RAVER2: variants seen among roughly 807,000 people sequenced by gnomAD.
The protein encoded by RAVER2 is ribonucleoprotein, PTB binding 2, also known as ribonucleoprotein PTB-binding 2.
A neutral mutation model predicts 78.1 loss-of-function variants in RAVER2; 46 were observed. The ratio of observed to expected loss-of-function variants is 0.59; its 90% confidence interval spans 0.46 to 0.75. The LOEUF is 0.75. RAVER2 is among the 30% of genes least tolerant of loss of function. RAVER2 has a pLI of 0.00. For synonymous variants in RAVER2, 311 were observed against 313.3 expected (o/e 0.99, Z 0.08); for missense variants, 793 against 837.5 (o/e 0.95, Z 0.66).
At chr1:64,814,679 A>G in intron 10 of RAVER2, 25 bp from the exon 11 acceptor site, 1 of 1,330,862 alleles carries the variant, frequency 7.5e-7, no homozygotes, top group East Asian at 2.8e-5. Context: ...CCTAAATAAA[A>G]TAAACTTGTT....
At chr1:64,828,907 G>C (rs1484708019) in intron 11 of RAVER2, among the ~76,000 whole-genome samples, 6 of 152,064 alleles carry the variant, frequency 3.9e-5, no homozygotes, top group African/African-American at 1.4e-4. Flanking sequence ...ATCTCACATT[G>C]GTGTAATCAT....
At chr1:64,782,109 G>C (rs188972301) in intron 4 of RAVER2, among the ~76,000 whole-genome samples, 49 of 152,244 alleles carry the variant, frequency 3.2e-4, no homozygotes, top group African/African-American at 1.2e-3. Flanking sequence ...TTGCCATGTT[G>C]GCCAGGCTGA....
intron 1 of RAVER2, among the ~76,000 whole-genome samples, chr1:64,747,460 A>G (rs183277684): frequency 3.9e-5 from 6 of 152,114 alleles, no homozygotes; most frequent in Admixed American, 3.3e-4. Context: ...TTGAAATACT[A>G]AGTTCTTGTT....
At chr1:64,778,190 A>T (rs1652527684) in intron 3 of RAVER2, 98 bp downstream of exon 3, 1 of 932,482 alleles carries the variant, frequency 1.1e-6, no homozygotes, top group Non-Finnish European at 1.5e-6. Flanking sequence ...TGTGATTAAC[A>T]CAATGGAAAT....
At chr1:64,771,858 T>C (rs1047044573) in intron 2 of RAVER2, among the ~76,000 whole-genome samples, 1 of 137,208 alleles carries the variant, frequency 7.3e-6, no homozygotes, top group African/African-American at 3.1e-5. Context: ...GAAACAGATA[T>C]AATTAATAAC....
Position 64,745,214 on chromosome 1 carries a change from G to C in RAVER2, c.42G>C (p.Ala14=). 9.4e-7 allele frequency: 1 copy of C among 1,066,068 alleles called. No homozygotes were observed. Among genetic ancestry groups the C allele is most frequent in the Non-Finnish European group, 1.1e-6 (1 of 882,528 alleles). The allele number at this position is 1,066,068 out of a possible 1,614,324, so 66.0% of individuals were successfully genotyped here. The change falls in exon 1 of 12, where the codon GCG becomes GCC. Residue 14 remains alanine, a synonymous_variant. Transcript: ENST00000294428. This position sits in a 1 kb window ranked among gnomAD's most constrained non-coding sequence, Gnocchi z 4.3. ...GAGACGGCGGCGGCGAGGGGGGCGC[G>C]GGCCTGGGCAGCGCGGCGGGGCTGG...
chr1:64,799,312 T>C (rs1376541923), intron 5 of RAVER2, among the ~76,000 whole-genome samples: 2 of 152,240 alleles, frequency 1.3e-5, no homozygotes, highest in African/African-American at 4.8e-5. Flanking sequence ...ACATTTTCTT[T>C]ATCCATTCAT....
chr1:64,778,385 C>CAACTTTT (rs1652532878), intron 3 of RAVER2, among the ~76,000 whole-genome samples: 1 of 152,106 alleles, frequency 6.6e-6, no homozygotes, highest in Non-Finnish European at 1.5e-5. Flanking sequence ...TTTATCTATC[C>CAACTTTT]AACTTTTATT....
At chr1:64,758,846 C>G (rs1438696471) in intron 1 of RAVER2, among the ~76,000 whole-genome samples, 1 of 149,648 alleles carries the variant, frequency 6.7e-6, no homozygotes, top group African/African-American at 2.5e-5. Context: ...ATTTGTTGCA[C>G]AATAATAGAT....
chr1:64,799,414 CCTTTT>C (rs1187527178), intron 5 of RAVER2, among the ~76,000 whole-genome samples: 1 of 152,008 alleles, frequency 6.6e-6, no homozygotes, highest in African/African-American at 2.4e-5. Context: ...ATATGGATTT[CCTTTT>C]CTTTGGTTTG....
At chr1:64,757,842 T>C (rs1292267492) in intron 1 of RAVER2, among the ~76,000 whole-genome samples, 1 of 152,240 alleles carries the variant, frequency 6.6e-6, no homozygotes, top group East Asian at 1.9e-4. Context: ...CATTAAATTT[T>C]AATCATTCCA....
exon 12 of RAVER2, chr1:64,832,042 TAA>T (rs796161426): frequency 2.1e-4 from 32 of 152,696 alleles, no homozygotes; most frequent in African/African-American, 7.5e-4. Flanking sequence ...TCAATTCACC[TAA>T]AGACAGACCT....
intron 1 of RAVER2, among the ~76,000 whole-genome samples, chr1:64,747,438 A>C (rs1291791936): frequency 1.3e-5 from 2 of 152,190 alleles, no homozygotes; most frequent in East Asian, 1.9e-4. Context: ...ATTATTAAGT[A>C]ATCAGATATT....
At chr1:64,806,293 C>G (rs1653416894) in intron 8 of RAVER2, among the ~76,000 whole-genome samples, 1 of 152,110 alleles carries the variant, frequency 6.6e-6, no homozygotes, top group South Asian at 2.1e-4. Flanking sequence ...CGCCTGTGGT[C>G]CCAGCTACTC....
intron 1 of RAVER2, among the ~76,000 whole-genome samples, chr1:64,763,958 C>T (rs1435974278): frequency 1.7e-5 from 2 of 118,434 alleles, no homozygotes; most frequent in Admixed American, 1.8e-4. Flanking sequence ...ACACACACCC[C>T]TACCATGTAA....
chr1:64,793,863 C>T (rs904891063), intron 5 of RAVER2, among the ~76,000 whole-genome samples: 5 of 152,284 alleles, frequency 3.3e-5, no homozygotes, highest in African/African-American at 1.2e-4. Context: ...GGTTCATTCA[C>T]GTTGTTACAT....
In RAVER2 at chr1:64,825,221, AAAT is replaced by A. The variant is rs569157362; in HGVS notation, c.1930-5614_1930-5612del. Among the ~76,000 whole-genome samples the A allele has an allele frequency of 5.1e-3, 784 of 152,294 alleles. 5 individuals are homozygous for A. The highest frequency in any genetic ancestry group is 9.1e-3 in the South Asian group (44 of 4,822). ...AAAAATTTAAAAATGTTTAATGCAG[AAAT>A]AATGATAAAATTAATTCATGTTTCT... On this transcript the variant is annotated intron_variant, in intron 11 of 11. Coordinates refer to ENST00000294428, the Ensembl canonical transcript of RAVER2.
In RAVER2 at chr1:64,792,538, C is replaced by A. The variant is rs142215299; in HGVS notation, c.1105+3024C>A. On this transcript the variant is annotated intron_variant, in intron 5 of 11. Coordinates refer to ENST00000294428, the Ensembl canonical transcript of RAVER2. ...TTCTTTTCATCTAAGACTAAATATT[C>A]TCCACTCTGCTGTTCTACTCAGATT... Among the ~76,000 whole-genome samples the A allele has an allele frequency of 2.0e-3, 303 of 152,294 alleles. 2 individuals are homozygous for A. Among genetic ancestry groups the A allele is most frequent in the Middle Eastern group, 6.8e-3 (2 of 294 alleles).
exon 5 of RAVER2, chr1:64,789,465 G>T: frequency 6.2e-7 from 1 of 1,609,694 alleles, no homozygotes; most frequent in Non-Finnish European, 8.5e-7. Flanking sequence ...ACCCTGCCAT[G>T]TTGCAAGTTC....
Sources: gnomAD v4.1 joint callset for allele counts (sites outside exome capture counted in the v4.1 genomes callset) on GRCh38, gnomAD v4.1.1 for gene constraint, Gnocchi (gnomAD v3.1) non-coding constraint, MANE v1.5 for transcripts, NCBI Gene and HGNC (gene_info 2026-07-23, HGNC 2026-07-21) for gene names.